Variants in TDO2 observed in about 807,000 individuals in gnomAD.
The protein encoded by TDO2 is tryptamin 2,3-dioxygenase.
In TDO2, 63 loss-of-function variants were observed where a neutral mutation model predicts 61.2. The ratio of observed to expected loss-of-function variants is 1.03; its 90% CI spans 0.84 to 1.27. TDO2 has a LOEUF of 1.27. TDO2 is among the 50% of genes most tolerant of loss of function. The pLI, the probability that TDO2 is intolerant of heterozygous loss-of-function variation, is 0.00. For synonymous variants in TDO2, 183 were observed against 164.0 expected (o/e 1.12, Z -0.89); for missense variants, 494 against 469.5 (o/e 1.05, Z -0.48).
chr4:155,911,690 T>C, intron 7 of TDO2, 86 bp downstream of exon 7: 1 of 832,200 alleles, frequency 1.2e-6, no homozygotes, highest in Non-Finnish European at 1.7e-6. Context: ...TCTCTTAACC[T>C]TTTCTCTTTC....
At chr4:155,916,901 G>T (rs962523897) in intron 9 of TDO2, among the ~76,000 whole-genome samples, 5 of 151,780 alleles carry the variant, frequency 3.3e-5, no homozygotes, top group East Asian at 1.9e-4. Flanking sequence ...TGCCAATTAG[G>T]CATATGTGTC....
chr4:155,916,974 A>C (rs995562442), intron 9 of TDO2, among the ~76,000 whole-genome samples: 2 of 149,862 alleles, frequency 1.3e-5, no homozygotes, highest in Non-Finnish European at 3.0e-5. Context: ...ACAAAACAAA[A>C]CAACAACAAA....
At chr4:155,903,963 G>T (rs1180741620) in intron 1 of TDO2, 55 bp from the exon 2 acceptor site, 1 of 1,536,512 alleles carries the variant, frequency 6.5e-7, no homozygotes, top group East Asian at 2.3e-5. Context: ...CATATCATTA[G>T]TTAACTGTGT....
chr4:155,910,462 A>G (rs1050983142), intron 6 of TDO2, among the ~76,000 whole-genome samples: 1 of 152,178 alleles, frequency 6.6e-6, no homozygotes, highest in Non-Finnish European at 1.5e-5. Context: ...TAACCTTATC[A>G]TCTCAATAAA....
chr4:155,904,411 T>G (rs1184365476), intron 2 of TDO2, among the ~76,000 whole-genome samples: 1 of 152,214 alleles, frequency 6.6e-6, no homozygotes, highest in Non-Finnish European at 1.5e-5. Flanking sequence ...ACAGGCATTG[T>G]GCAACTTGTA....
rs1232901315 is a variant in TDO2, at chr4:155,910,063, A to G, written c.470A>G (p.Gln157Arg). 3 of 1,585,664 alleles carry G rather than the reference A, an allele frequency of 1.9e-6. No homozygotes were observed. Among genetic ancestry groups the G allele is most frequent in the African/African-American group, 2.8e-5 (2 of 72,012 alleles). ...CCAGCATCAGGCTTCCAGAGTTTGC[A>G]ATTCCGACTATTAGAAAACAAGATA... The part of the protein sequence containing the change: ...LSPASGFQSL[Q>R]FRLLENKIGV... The change falls in exon 6 of 12, where the codon CAA (glutamine) becomes CGA (arginine). Residue 157 changes from glutamine to arginine, a missense_variant. Transcript: ENST00000536354.
At chr4:155,914,648 T>G (rs1742898882) in intron 8 of TDO2, among the ~76,000 whole-genome samples, 1 of 152,100 alleles carries the variant, frequency 6.6e-6, no homozygotes, top group African/African-American at 2.4e-5. Context: ...AGAAAAAAAT[T>G]TATAGTCTCT....
At chr4:155,912,720 A>T (rs1231815028) in intron 7 of TDO2, among the ~76,000 whole-genome samples, 1 of 152,022 alleles carries the variant, frequency 6.6e-6, no homozygotes, top group African/African-American at 2.4e-5. Flanking sequence ...TTCAATATCT[A>T]CTTAGCCACC....
chr4:155,918,073 C>A (rs1742974972), intron 10 of TDO2, 76 bp from the exon 11 acceptor site: 4 of 1,395,650 alleles, frequency 2.9e-6, no homozygotes, highest in Admixed American at 1.9e-5. Context: ...TTATCATTAC[C>A]AACCCCTCAT....
chr4:155,913,605 C>T (rs1445075506), intron 7 of TDO2, among the ~76,000 whole-genome samples: 1 of 152,054 alleles, frequency 6.6e-6, no homozygotes, highest in Non-Finnish European at 1.5e-5. Flanking sequence ...TATCACGACT[C>T]TCAATTTTTG....
chr4:155,916,215 G>T (rs200739457), intron 9 of TDO2, among the ~76,000 whole-genome samples: 175 of 141,170 alleles, frequency 1.2e-3, no homozygotes, highest in African/African-American at 4.1e-3. Context: ...TGGCCCAGGC[G>T]GGAGTGCAGT....
chr4:155,909,951 CT>C (rs1347523693), intron 5 of TDO2, 73 bp from the exon 6 acceptor site: 2 of 156,238 alleles, frequency 1.3e-5, no homozygotes, highest in African/African-American at 3.8e-5. Context: ...CCTCCCCCCC[CT>C]TTCTCTTCTC....
In TDO2 at chr4:155,903,794, G is replaced by A. The variant is rs773128093; in HGVS notation, c.35+1G>A. 2 of 1,614,148 alleles carry A rather than the reference G, an allele frequency of 1.2e-6. No homozygotes were observed. Among genetic ancestry groups the A allele is most frequent in the Non-Finnish European group, 1.7e-6 (2 of 1,180,024 alleles). ...GCCCATTTTTAGGAAACAACTTTGGGTGAGTATTTACCTTTATTCTAAGTG... is the reference window on the plus strand; with the variant it reads ...GCCCATTTTTAGGAAACAACTTTGGATGAGTATTTACCTTTATTCTAAGTG... On this transcript the variant is annotated splice_donor_variant, in intron 1 of 11. Transcript: ENST00000536354. LOFTEE classifies it high-confidence loss of function.
At chr4:155,912,546 T>C (rs2110876473) in intron 7 of TDO2, among the ~76,000 whole-genome samples, 1 of 152,266 alleles carries the variant, frequency 6.6e-6, no homozygotes, top group Non-Finnish European at 1.5e-5. Flanking sequence ...TATATACCAT[T>C]ATGTTTGCTT....
chr4:155,916,329 G>A lies in TDO2; in HGVS notation c.896+417G>A, dbSNP rs547024802. On this transcript the variant is annotated intron_variant, in intron 9 of 11. Coordinates refer to ENST00000536354, the MANE Select transcript of TDO2 (RefSeq NM_005651.4). ...ACTACAGGCGCCCACCACCACGCCA[G>A]GCTAATTTTTTTGTATTTTTAGTAG... Among the ~76,000 whole-genome samples the A allele has an allele frequency of 4.6e-3, 623 of 134,446 alleles. 6 individuals are homozygous for A. The highest frequency in any genetic ancestry group is 7.7e-3 in the Non-Finnish European group (482 of 62,252). The allele number at this position is 134,446 out of a possible 152,430, so 88.2% of individuals were successfully genotyped here.
At position 155,905,116 on chromosome 4, in the gene TDO2, A is replaced by T. The variant is rs755754580; in HGVS notation, c.191A>T (p.Asn64Ile). ...AQELQSETKG[N>I]KIHDEHLFII... ...GAACTGCAAAGTGAAACAAAAGGAA[A>T]TAAAATCCATGATGAACATCTTTTT... The change falls in exon 3 of 12, where the codon AAT becomes ATT. Residue 64 changes from asparagine (N) to isoleucine (I), a missense_variant. By Grantham distance (149) the Asn-to-Ile change is moderately radical. Transcript: ENST00000536354. 6.2e-7 allele frequency: 1 copy of T among 1,602,642 alleles called. No homozygotes were observed. Among genetic ancestry groups the T allele is most frequent in the Non-Finnish European group, 8.5e-7 (1 of 1,175,160 alleles).
rs1245406545 is a variant in TDO2, at chr4:155,917,316, T to C, written c.897-79T>C. 9.9e-6 allele frequency: 12 copies of C among 1,209,110 alleles called. No homozygotes were observed. In the East Asian group the frequency reaches 3.0e-4, roughly 31 times the overall value. The allele number at this position is 1,209,110 out of a possible 1,614,324, so 74.9% of individuals were successfully genotyped here. ...GCTGACATTTGTTTCCAGGGCCAAC[T>C]GATTGTCAAACTCATGCTCCTCCTA... On this transcript the variant is annotated intron_variant, in intron 9 of 11. Transcript: ENST00000536354.
intron 8 of TDO2, among the ~76,000 whole-genome samples, chr4:155,914,708 T>G (rs993496473): frequency 6.6e-6 from 1 of 152,112 alleles, no homozygotes; most frequent in Middle Eastern, 3.2e-3. Flanking sequence ...TCTCAAGTAG[T>G]TCACAGCCTA....
chr4:155,910,544 G>A (rs1451518429), intron 6 of TDO2, among the ~76,000 whole-genome samples: 1 of 151,986 alleles, frequency 6.6e-6, no homozygotes, highest in Non-Finnish European at 1.5e-5. Flanking sequence ...ATTATTTAGT[G>A]AGCTTTATTG....
Sources: gnomAD v4.1 joint callset for allele counts (sites outside exome capture counted in the v4.1 genomes callset) on GRCh38, gnomAD v4.1.1 for gene constraint, MANE v1.5 for transcripts, NCBI Gene and HGNC (gene_info 2026-07-23, HGNC 2026-07-21) for gene names.